FAM169A: variants seen among roughly 807,000 people sequenced by gnomAD.
FAM169A encodes soluble lamin-associated protein of 75 kDa.
FAM169A carries 24 observed loss-of-function variants against 75.7 expected under a neutral mutation model. That is an observed-to-expected ratio of 0.32 (90% confidence interval 0.23 to 0.45). The LOEUF (loss-of-function observed/expected upper bound fraction) is 0.45. Among genes scored for constraint, FAM169A ranks in the 20% least tolerant of loss-of-function variants. The pLI is 1.00. For missense variants in FAM169A, 673 were observed against 784.0 expected (o/e 0.86, Z 1.69); for synonymous variants, 271 against 271.0 (o/e 1.00, Z 0.00).
intron 4 of FAM169A, among the ~76,000 whole-genome samples, 155 bp from the exon 5 acceptor site, chr5:74,834,752 G>A (rs1748481174): frequency 6.6e-6 from 1 of 152,074 alleles, no homozygotes; most frequent in South Asian, 2.1e-4. Flanking sequence ...TTACCACAGA[G>A]ATGAGACTAA....
chr5:74,797,486 A>G (rs1488543713), intron 10 of FAM169A, among the ~76,000 whole-genome samples: 1 of 152,180 alleles, frequency 6.6e-6, no homozygotes, highest in Non-Finnish European at 1.5e-5. Context: ...CTAGACCCTT[A>G]TAATTTTATT....
At chr5:74,827,792 A>G (rs921467178) in intron 5 of FAM169A, among the ~76,000 whole-genome samples, 2 of 151,494 alleles carry the variant, frequency 1.3e-5, no homozygotes, top group Non-Finnish European at 2.9e-5. Flanking sequence ...CCTCCTGAGT[A>G]GCTGGAATTA....
intron 1 of FAM169A, among the ~76,000 whole-genome samples, chr5:74,845,398 G>T (rs762636510): frequency 1.3e-5 from 2 of 152,018 alleles, no homozygotes; most frequent in Non-Finnish European, 2.9e-5. Flanking sequence ...CGTGTCTGTA[G>T]TCCCAGCTAC....
chr5:74,809,702 G>A (rs1348724625), intron 6 of FAM169A, among the ~76,000 whole-genome samples: 5 of 152,178 alleles, frequency 3.3e-5, no homozygotes, highest in Non-Finnish European at 2.9e-5. Context: ...TTTTAGGGTA[G>A]ATGATTATCC....
chr5:74,862,528 T>C (rs1750090732), intron 1 of FAM169A, among the ~76,000 whole-genome samples: 1 of 152,214 alleles, frequency 6.6e-6, no homozygotes, highest in Non-Finnish European at 1.5e-5. Context: ...ACAGAATTAA[T>C]GCAGCCCTCC....
intron 8 of FAM169A, among the ~76,000 whole-genome samples, chr5:74,803,948 G>A (rs939776579): frequency 2.0e-5 from 3 of 152,004 alleles, no homozygotes; most frequent in African/African-American, 7.2e-5. Context: ...ATTTAAAAAT[G>A]TTAAAAATTT....
Position 74,781,367 on chromosome 5 carries a change from G to A in FAM169A, c.*93C>T. The stretch of plus-strand genomic sequence containing the variant: ...TCAAATTGAAATTTTGGAAATTTTT[G>A]TCCTGTGCCCCATGCTGTTTATTAA... On this transcript the variant is annotated 3_prime_UTR_variant, in exon 13 of 13. Coordinates refer to ENST00000687041, the MANE Select transcript of FAM169A (RefSeq NM_001376049.1). 7.9e-7 allele frequency: 1 copy of A among 1,266,276 alleles called. No individual in the cohort carries two copies. The highest frequency in any genetic ancestry group is 1.5e-5 in the South Asian group (1 of 65,006). The allele number at this position is 1,266,276 out of a possible 1,614,324, so 78.4% of individuals were successfully genotyped here.
chr5:74,853,592 A>C (rs1749553613), intron 1 of FAM169A, among the ~76,000 whole-genome samples: 1 of 152,198 alleles, frequency 6.6e-6, no homozygotes, highest in Non-Finnish European at 1.5e-5. Flanking sequence ...AAATTAAAGA[A>C]TGTAACAACC....
Position 74,781,737 on chromosome 5 carries a change from G to T in FAM169A, c.1736C>A (p.Pro579His), listed in dbSNP as rs1429026805. 3 of 1,613,910 alleles carry T rather than the reference G, an allele frequency of 1.9e-6. No homozygotes were observed. Among genetic ancestry groups the T allele is most frequent in the Non-Finnish European group, 2.5e-6 (3 of 1,180,002 alleles). Residue 579 changes from proline to histidine, a missense_variant, in exon 13 of 13, where the codon CCC (proline) becomes CAC (histidine). Around this residue, in one of 3 missense-constraint regions of FAM169A, gnomAD observed 510 missense variants for 550.9 expected, o/e 0.93. Transcript: ENST00000687041. ...AGGAAGAGCAGTAGATGTTTCCTGG[G>T]GCTCAGATACCCCCTCCTCACCCTG... ...EDQGEEGVSEPQETSTALPQS... is the reference protein window; with the variant it reads ...EDQGEEGVSEHQETSTALPQS...
At chr5:74,782,394 G>A (rs552229929) in intron 12 of FAM169A, among the ~76,000 whole-genome samples, 4 of 152,160 alleles carry the variant, frequency 2.6e-5, no homozygotes, top group East Asian at 3.9e-4. Flanking sequence ...ACCACACTAC[G>A]TTTGACTACG....
intron 1 of FAM169A, among the ~76,000 whole-genome samples, chr5:74,861,546 T>C (rs1750036660): frequency 2.6e-5 from 4 of 152,000 alleles, no homozygotes; most frequent in African/African-American, 7.3e-5. Flanking sequence ...AAAACCCCAT[T>C]TCTACTAAAA....
Position 74,781,701 on chromosome 5 carries a change from A to G in FAM169A, c.1772T>C (p.Leu591Ser). The G allele has an allele frequency of 6.2e-7, 1 of 1,614,114 alleles. No homozygotes were observed. The highest frequency in any genetic ancestry group is 1.3e-5 in the African/African-American group (1 of 75,040). Residue 591 changes from leucine (L) to serine (S), a missense_variant, in exon 13 of 13, where the codon TTG becomes TCG. This residue lies in a region of FAM169A where 510 missense variants were observed against 550.9 expected (regional missense o/e 0.93). Transcript: ENST00000687041. ...ETSTALPQSSLIEVELEDVPF... is the reference protein window; with the variant it reads ...ETSTALPQSSSIEVELEDVPF... ...CACGTCTTCAAGTTCAACCTCTATC[A>G]AAGAACTCTGAGGAAGAGCAGTAGA...
intron 10 of FAM169A, among the ~76,000 whole-genome samples, chr5:74,798,818 C>T (rs1424363791): frequency 6.6e-6 from 1 of 152,130 alleles, no homozygotes; most frequent in Non-Finnish European, 1.5e-5. Context: ...TTATGGTTAT[C>T]ACTAATTTAT....
At chr5:74,821,345 C>T (rs1180733611) in intron 5 of FAM169A, among the ~76,000 whole-genome samples, 1 of 152,148 alleles carries the variant, frequency 6.6e-6, no homozygotes. Context: ...AATTCAAGAA[C>T]AGATATTCTG....
At chr5:74,831,164 C>T (rs547437190) in intron 5 of FAM169A, among the ~76,000 whole-genome samples, 49 of 152,224 alleles carry the variant, frequency 3.2e-4, no homozygotes, top group African/African-American at 1.1e-3. Context: ...CAACGATCAT[C>T]TGTGGTCAAG....
chr5:74,815,908 C>T (rs1747445566), intron 5 of FAM169A, among the ~76,000 whole-genome samples: 1 of 152,212 alleles, frequency 6.6e-6, no homozygotes, highest in African/African-American at 2.4e-5. Context: ...ATAATCCACC[C>T]CTTCTTTAGC....
chr5:74,786,883 T>A (rs1745722912), intron 11 of FAM169A, among the ~76,000 whole-genome samples: 2 of 152,170 alleles, frequency 1.3e-5, no homozygotes, highest in Non-Finnish European at 2.9e-5. Flanking sequence ...CAACTTGGAA[T>A]GGGGACACGT....
At chr5:74,793,003 C>T (rs1431822972) in intron 11 of FAM169A, among the ~76,000 whole-genome samples, 1 of 152,152 alleles carries the variant, frequency 6.6e-6, no homozygotes, top group African/African-American at 2.4e-5. Flanking sequence ...AAGCTAAATG[C>T]CCATCAACCA....
Position 74,858,941 on chromosome 5 carries a change from T to C in FAM169A, c.-4+7224A>G, listed in dbSNP as rs954665826. Among the ~76,000 whole-genome samples the C allele has an allele frequency of 4.6e-5, 7 of 152,186 alleles. No individual in the cohort carries two copies. The South Asian group carries it at 8.3e-4, about 18-fold the overall frequency. ...TTTAAAAACAAAACAAGGCTGTGCATGGTGGCTTACACCTGTAATCCCAAC... is the reference window on the plus strand; with the variant it reads ...TTTAAAAACAAAACAAGGCTGTGCACGGTGGCTTACACCTGTAATCCCAAC... On this transcript the variant is annotated intron_variant, in intron 1 of 12. Coordinates refer to ENST00000687041, the MANE Select transcript of FAM169A (RefSeq NM_001376049.1).
Sources: allele counts gnomAD v4.1 joint callset (sites outside exome capture counted in the v4.1 genomes callset), GRCh38; gene constraint gnomAD v4.1.1; regional missense constraint gnomAD v4.1.1; transcripts MANE v1.5; gene names NCBI Gene and HGNC (gene_info 2026-07-23, HGNC 2026-07-21).